SH3TC1: variants seen among roughly 807,000 people sequenced by gnomAD.
SH3TC1 encodes the protein SH3 domain and tetratricopeptide repeats 1, also known as SH3 domain and tetratricopeptide repeat-containing protein 1.
SH3TC1 carries 135 observed loss-of-function variants against 117.3 expected under a neutral mutation model. The observed-to-expected ratio is 1.15, with a 90% CI of 1.00 to 1.33. SH3TC1 has a LOEUF of 1.33. Among genes scored for constraint, SH3TC1 ranks in the 40% most tolerant of loss-of-function variants. SH3TC1 has a pLI of 0.00. For synonymous variants in SH3TC1, 898 were observed against 816.9 expected (o/e 1.10, Z -1.69); for missense variants, 2,092 against 1,794.3 (o/e 1.17, Z -3.00).
intron 5 of SH3TC1, 67 bp downstream of exon 5, chr4:8,214,647 T>C (rs1041715620): frequency 2.6e-6 from 3 of 1,160,100 alleles, no homozygotes; most frequent in African/African-American, 3.1e-5. Flanking sequence ...TTACACACCG[T>C]GCACTTAGAT....
rs1720359383 is a variant in SH3TC1, at chr4:8,225,306, G to A, written c.1285+90G>A. 1.4e-6 allele frequency: 2 copies of A among 1,434,604 alleles called. No individual in the cohort carries two copies. The highest frequency in any genetic ancestry group is 1.4e-5 in the African/African-American group (1 of 71,222). 88.9% of individuals were successfully genotyped at this position (1,434,604 alleles called of 1,614,324 possible). A position where few individuals can be genotyped will look rare whatever the true frequency, so the allele number is the denominator to read the frequency against. ...GAGGTGACAAAGCTGAGCACGGTGG[G>A]CATTGGGTGCGGCTGTCACCCCTCT... On this transcript the variant is annotated intron_variant, in intron 11 of 17. Coordinates refer to ENST00000245105, the MANE Select transcript of SH3TC1 (RefSeq NM_018986.5). This position sits in a 1 kb window ranked among gnomAD's most constrained non-coding sequence, Gnocchi z 5.5.
In SH3TC1 at chr4:8,233,395, G is replaced by A. The variant is rs1309187912; in HGVS notation, c.3164G>A (p.Arg1055Gln). 7 of 1,613,502 alleles carry A rather than the reference G, an allele frequency of 4.3e-6. No individual in the cohort carries two copies. Among genetic ancestry groups the A allele is most frequent in the South Asian group, 1.1e-5 (1 of 90,948 alleles). The change falls in exon 14 of 18, where the codon CGA becomes CAA. Residue 1055 changes from arginine to glutamine, a missense_variant. Transcript: ENST00000245105. ...AAATCCGCACTGGACTACACCAAAC[G>A]AAGTCTGGGGATTTTCATTGACCTC... ...AYKSALDYTKRSLGIFIDLQK... is the reference protein window; with the variant it reads ...AYKSALDYTKQSLGIFIDLQK...
Position 8,234,524 on chromosome 4 carries a change from C to T in SH3TC1, c.3283-909C>T, listed in dbSNP as rs542651312. ...CCATCCATTCATCTGTCCATCCGTC[C>T]GTCCATCCATCCATCCACCCACCTA... is the stretch of plus-strand genomic sequence containing the variant. On this transcript the variant is annotated intron_variant, in intron 14 of 17. Transcript: ENST00000245105. 3.8e-3 allele frequency among the ~76,000 whole-genome samples: 579 copies of T among 151,838 alleles called. 4 individuals are homozygous for T. The highest frequency in any genetic ancestry group is 0.013 in the African/African-American group (529 of 41,358).
At chr4:8,233,033 G>T in intron 13 of SH3TC1, 1 of 1,216,812 alleles carries the variant, frequency 8.2e-7, no homozygotes, top group Non-Finnish European at 1.0e-6. Flanking sequence ...AGAACCATCG[G>T]CCTGGATAGC....
At chr4:8,226,886 G>C in intron 11 of SH3TC1, 94 bp from the exon 12 acceptor site, 1 of 899,708 alleles carries the variant, frequency 1.1e-6, no homozygotes, top group Non-Finnish European at 1.6e-6. Context: ...CTGCGCCGGG[G>C]ACACAGAGGC....
At chr4:8,182,971 A>C (rs1389341605) in intron 1 of SH3TC1, among the ~76,000 whole-genome samples, 1 of 152,142 alleles carries the variant, frequency 6.6e-6, no homozygotes, top group East Asian at 1.9e-4. Flanking sequence ...TGAAGGAGGC[A>C]GGGACTGGAC....
intron 13 of SH3TC1, 50 bp from the exon 14 acceptor site, chr4:8,233,313 G>A (rs772594699): frequency 8.3e-6 from 13 of 1,557,290 alleles, no homozygotes; most frequent in Admixed American, 5.7e-5. Flanking sequence ...GAGGCAGACT[G>A]GTTCCAGGAG....
chr4:8,193,740 C>T (rs1017682541), intron 1 of SH3TC1, among the ~76,000 whole-genome samples: 3 of 152,080 alleles, frequency 2.0e-5, no homozygotes, highest in Non-Finnish European at 4.4e-5. Context: ...GCAGGTGGGG[C>T]TCCAAGCTGC....
rs184645433 is a variant in SH3TC1 at position 8,231,984 on chromosome 4, C to T, written c.2959C>T (p.Arg987Trp). Residue 987 changes from arginine (R) to tryptophan (W), a missense_variant, in exon 13 of 18, where the codon CGG (arginine) becomes TGG (tryptophan). By Grantham distance (101) the Arg-to-Trp change is moderately radical. Transcript: ENST00000245105. ...TTTTGTCTTCTGCCCAGGCCAGCTG[C>T]GGGCCGTCCAGCGGCTGTGCCACTT... ...VEMGHVESQLRAVQRLCHFYS... is the reference protein window; with the variant it reads ...VEMGHVESQLWAVQRLCHFYS... The T allele has an allele frequency of 1.6e-4, 253 of 1,611,458 alleles. No homozygotes were observed. Among genetic ancestry groups the T allele is most frequent in the South Asian group, 1.2e-3 (109 of 91,070 alleles).
In SH3TC1 at chr4:8,225,070, A is replaced by G; in HGVS notation, c.1244-105A>G. ...CAACATCTCAGCCCTCAATACCTGC[A>G]CCCAGCAATGCTCTCACCCTGCAAC... On this transcript the variant is annotated intron_variant, in intron 10 of 17. Transcript: ENST00000245105. This position sits in a 1 kb window ranked among gnomAD's most constrained non-coding sequence, Gnocchi z 5.5. The G allele has an allele frequency of 7.3e-7, 1 of 1,367,496 alleles. No homozygotes were observed. The highest frequency in any genetic ancestry group is 1.0e-6 in the Non-Finnish European group (1 of 976,142). The allele number at this position is 1,367,496 out of a possible 1,614,324, so 84.7% of individuals were successfully genotyped here.
At chr4:8,198,467 C>A (rs1380405551), upstream of SH3TC1, among the ~76,000 whole-genome samples, 2 of 152,222 alleles carry the variant, frequency 1.3e-5, no homozygotes, top group African/African-American at 4.8e-5. Flanking sequence ...GCAAGGGCAT[C>A]AGAGCAGGCA....
chr4:8,207,508 C>G (rs1215770361), intron 2 of SH3TC1, among the ~76,000 whole-genome samples: 1 of 152,182 alleles, frequency 6.6e-6, no homozygotes, highest in African/African-American at 2.4e-5. Context: ...CTGAAATAAT[C>G]CTTGCGACAG....
At chr4:8,224,427 C>T (rs113647035) in intron 10 of SH3TC1, among the ~76,000 whole-genome samples, 25 of 152,292 alleles carry the variant, frequency 1.6e-4, no homozygotes, top group Non-Finnish European at 2.9e-4. Context: ...CCCTCCACAC[C>T]GTGGGGTGTT....
At chr4:8,231,150 C>T (rs1217066799) in intron 12 of SH3TC1, 1 of 152,298 alleles carries the variant, frequency 6.6e-6, no homozygotes, top group Admixed American at 6.5e-5. Flanking sequence ...TTCTTTCACT[C>T]ACTGGTTGTT....
At chr4:8,232,402 C>T (rs1298112484) in intron 13 of SH3TC1, 30 of 1,575,970 alleles carry the variant, frequency 1.9e-5, no homozygotes, top group Non-Finnish European at 2.6e-5. Flanking sequence ...GCACACCTCC[C>T]CAAAGGTCAT....
rs531434370 is a variant in SH3TC1, at chr4:8,209,979, C to A, written c.247+157C>A. Among the ~76,000 whole-genome samples the A allele has an allele frequency of 6.6e-6, 1 of 152,184 alleles. No homozygotes were observed. On this transcript the variant is annotated intron_variant, in intron 3 of 17. Transcript: ENST00000245105. The surrounding 1 kb of genome is among the most constrained non-coding windows in gnomAD (Gnocchi z 5.9). ...AATAGAAAGAAGGGTTTGTTAAATG[C>A]GCATGCCCAGGTCCTGCACCCAGAG...
At chr4:8,234,276 TATCC>T (rs1483289071) in intron 14 of SH3TC1, among the ~76,000 whole-genome samples, 3 of 150,416 alleles carry the variant, frequency 2.0e-5, no homozygotes, top group Non-Finnish European at 3.0e-5. Flanking sequence ...CCCATCCATT[TATCC>T]ATCCATCATT....
Position 8,236,023 on chromosome 4 carries a change from C to T in SH3TC1, c.3406-255C>T, listed in dbSNP as rs567613821. 6 of 519,740 alleles carry T rather than the reference C, an allele frequency of 1.2e-5. No homozygotes were observed. In the South Asian group the frequency reaches 1.4e-4, roughly 12 times the overall value. 32.2% of individuals were successfully genotyped at this position (519,740 alleles called of 1,614,324 possible). A position where few individuals can be genotyped will look rare whatever the true frequency, so the allele number is the denominator to read the frequency against. Reference sequence around the variant, plus strand: ...TTAGAGCAGAGAGGAGTGCAGGCTCCCCCCAGTCAGACCCCTGGTGCCCAG... The same window carrying T: ...TTAGAGCAGAGAGGAGTGCAGGCTCTCCCCAGTCAGACCCCTGGTGCCCAG... On this transcript the variant is annotated intron_variant, in intron 15 of 17. Transcript: ENST00000245105.
At position 8,183,648 on chromosome 4, in the gene SH3TC1, C is replaced by T. The variant is rs1391835324; in HGVS notation, c.-57+1438C>T. Reference sequence around the variant, plus strand: ...TTGGAATCCTCTTAGATTTACAAAACAGTCAGGAAGACAGTTCAGAGAGTT... The same window carrying T: ...TTGGAATCCTCTTAGATTTACAAAATAGTCAGGAAGACAGTTCAGAGAGTT... On this transcript the variant is annotated intron_variant, in intron 1 of 16. Transcript: ENST00000508641. This position sits in a 1 kb window ranked among gnomAD's most constrained non-coding sequence, Gnocchi z 5.4. 1.3e-5 allele frequency among the ~76,000 whole-genome samples: 2 copies of T among 152,210 alleles called. No homozygotes were observed. Among genetic ancestry groups the T allele is most frequent in the African/African-American group, 4.8e-5 (2 of 41,444 alleles).
Sources: allele counts gnomAD v4.1 joint callset (sites outside exome capture counted in the v4.1 genomes callset), GRCh38; gene constraint gnomAD v4.1.1; non-coding constraint Gnocchi (gnomAD v3.1); transcripts MANE v1.5; gene names NCBI Gene and HGNC (gene_info 2026-07-23, HGNC 2026-07-21).